Variants in BRWD1 observed in about 807,000 individuals in gnomAD.
BRWD1 encodes bromodomain and WD repeat-containing protein 1.
BRWD1 carries 82 observed loss-of-function variants against 251.2 expected under a neutral mutation model. That is an observed-to-expected ratio of 0.33 (90% CI 0.27 to 0.39). The LOEUF (loss-of-function observed/expected upper bound fraction) is 0.39, where lower values mean the gene tolerates loss of function less well. BRWD1 is among the 10% of genes least tolerant of loss of function. The pLI, the probability that BRWD1 is intolerant of heterozygous loss-of-function variation, is 1.00. For missense variants in BRWD1, 2,233 were observed against 2,711.6 expected, an observed-to-expected ratio of 0.82 and a Z score of 3.92; for synonymous variants, 918 against 902.8, an observed-to-expected ratio of 1.02 and a Z score of -0.30.
chr21:39,218,493 TAAA>T lies in BRWD1; in HGVS notation c.3538+9_3538+11del. 6.4e-7 allele frequency: 1 copy of T among 1,562,128 alleles called. No homozygotes were observed. Among genetic ancestry groups the T allele is most frequent in the Non-Finnish European group, 8.6e-7 (1 of 1,163,180 alleles). On this transcript the variant is annotated intron_variant, in intron 30 of 40. Coordinates refer to ENST00000342449, the MANE Select transcript of BRWD1 (RefSeq NM_033656.4). ...AAAAAAAACTTTTCATCCTAAAAAA[TAAA>T]AAACTTACCAAGATTCAAAAGTTGA...
At chr21:39,226,567 A>G (rs1386599424) in intron 27 of BRWD1, among the ~76,000 whole-genome samples, 2 of 152,240 alleles carry the variant, frequency 1.3e-5, no homozygotes, top group African/African-American at 2.4e-5. Context: ...CTGAAAAATC[A>G]TAATAGCTGG....
At chr21:39,233,375 G>A (rs535326934) in intron 23 of BRWD1, among the ~76,000 whole-genome samples, 3 of 152,230 alleles carry the variant, frequency 2.0e-5, no homozygotes, top group South Asian at 4.1e-4. Context: ...AGGGTGGTTT[G>A]TTATATACAG....
intron 15 of BRWD1, among the ~76,000 whole-genome samples, 158 bp downstream of exon 15, chr21:39,269,741 T>TATAC (rs1315779615): frequency 6.6e-6 from 1 of 152,202 alleles, no homozygotes; most frequent in African/African-American, 2.4e-5. Context: ...TATGTACGTA[T>TATAC]ATACATGTAG....
chr21:39,245,376 C>A (rs1231086126), intron 21 of BRWD1, among the ~76,000 whole-genome samples: 1 of 152,126 alleles, frequency 6.6e-6, no homozygotes, highest in Non-Finnish European at 1.5e-5. Context: ...GTACATGTTA[C>A]CACGCCTCTG....
In BRWD1 at chr21:39,192,857, CAG is replaced by C. The variant is rs1216454511; in HGVS notation, c.*3400_*3401del. On this transcript the variant is annotated 3_prime_UTR_variant, in exon 41 of 41. Transcript: ENST00000342449. ...CACAATCAAGTTCAACTTGTACTAA[CAG>C]AAAATATTAAAATTCTTCCTATTTT... 5.1e-6 allele frequency: 5 copies of C among 981,406 alleles called. No homozygotes were observed. The highest frequency in any genetic ancestry group is 6.3e-5 in the Admixed American group (1 of 15,832). 60.8% of individuals were successfully genotyped at this position (981,406 alleles called of 1,614,324 possible). A position where few individuals can be genotyped will look rare whatever the true frequency, so the allele number is the denominator to read the frequency against.
rs2032838287 is a variant in BRWD1 at position 39,215,260 on chromosome 21, A to G, written c.3762T>C (p.Thr1254=). The G allele has an allele frequency of 6.2e-7, 1 of 1,612,368 alleles. No individual in the cohort carries two copies. The highest frequency in any genetic ancestry group is 8.5e-7 in the Non-Finnish European group (1 of 1,178,566). Residue 1254 remains threonine, a synonymous_variant, in exon 32 of 41, where the codon ACT becomes ACC. Transcript: ENST00000342449. The stretch of plus-strand genomic sequence containing the variant: ...ACTTGATAAATTTTAAAAGTTGGTC[A>G]GTTATCTTTTTAGCTGATCTTGCAA... ...SVIARSAKKI[T]DQLLKFIKNQ...
At position 39,280,302 on chromosome 21, in the gene BRWD1, G is replaced by C; in HGVS notation, c.832-54C>G. 5 of 1,370,796 alleles carry C rather than the reference G, an allele frequency of 3.6e-6. No homozygotes were observed. The South Asian group carries it at 3.9e-5, about 11-fold the overall frequency. The allele number at this position is 1,370,796 out of a possible 1,614,324, so 84.9% of individuals were successfully genotyped here. Reference sequence around the variant, plus strand: ...TTCCAGAACTTCTACTTAAGTTACAGTTTAATAGTCTTGCAAACTTAACTT... The same window carrying C: ...TTCCAGAACTTCTACTTAAGTTACACTTTAATAGTCTTGCAAACTTAACTT... On this transcript the variant is annotated intron_variant, in intron 8 of 40. Coordinates refer to ENST00000342449, the MANE Select transcript of BRWD1 (RefSeq NM_033656.4).
At chr21:39,257,363 C>T (rs1295155585) in intron 18 of BRWD1, among the ~76,000 whole-genome samples, 5 of 152,032 alleles carry the variant, frequency 3.3e-5, no homozygotes, top group Non-Finnish European at 5.9e-5. Context: ...ATTCAGTATT[C>T]CTGTCTAAAT....
intron 21 of BRWD1, among the ~76,000 whole-genome samples, chr21:39,242,904 AAAG>A (rs1217017143): frequency 1.3e-5 from 2 of 152,222 alleles, no homozygotes; most frequent in Non-Finnish European, 1.5e-5. Flanking sequence ...CTGAGCAGAA[AAAG>A]AAGACTCCTT....
chr21:39,227,299 C>T (rs2183576), intron 27 of BRWD1, among the ~76,000 whole-genome samples: 141,065 of 152,260 alleles, frequency 0.93, 65,696 homozygotes, highest in African/African-American at 0.97. Flanking sequence ...GATAAAAGAA[C>T]GAACCATCCT....
chr21:39,313,383 C>T, intron 1 of BRWD1, 60 bp downstream of exon 1: 2 of 1,479,214 alleles, frequency 1.4e-6, no homozygotes, highest in Non-Finnish European at 1.8e-6. Context: ...GCCCGGGGAG[C>T]CGGGGAAGCC....
At chr21:39,264,843 C>A in intron 16 of BRWD1, 48 bp downstream of exon 16, 1 of 1,591,790 alleles carries the variant, frequency 6.3e-7, no homozygotes, top group Non-Finnish European at 8.5e-7. Flanking sequence ...TTCCAAAACA[C>A]AGCTGATAAC....
intron 37 of BRWD1, among the ~76,000 whole-genome samples, chr21:39,203,643 G>A (rs1259692605): frequency 1.3e-5 from 2 of 150,122 alleles, no homozygotes; most frequent in African/African-American, 4.9e-5. Flanking sequence ...TCCTGACCTC[G>A]TGATCCACCC....
At chr21:39,198,499 G>T (rs1298009719) in intron 40 of BRWD1, among the ~76,000 whole-genome samples, 1 of 152,028 alleles carries the variant, frequency 6.6e-6, no homozygotes, top group East Asian at 1.9e-4. Flanking sequence ...ATCAATACAA[G>T]AAGTGAAATC....
chr21:39,236,715 T>C lies in BRWD1; in HGVS notation c.2646A>G (p.Thr882=), dbSNP rs749390150. The C allele has an allele frequency of 6.8e-6, 11 of 1,614,054 alleles. No homozygotes were observed. Among genetic ancestry groups the C allele is most frequent in the South Asian group, 1.1e-5 (1 of 91,088 alleles). The part of the protein sequence containing the change: ...AGINLQPPLR[T]SCRRRITRFC... The stretch of plus-strand genomic sequence containing the variant: ...ATCGAGTAATTCGTCGACGACATGA[T>C]GTTCTTAAAGGAGGCTGCAAATTGA... The change falls in exon 23 of 41, where the codon ACA becomes ACG. Residue 882 remains threonine, a synonymous_variant. Transcript: ENST00000342449.
At position 39,197,262 on chromosome 21, in the gene BRWD1, G is replaced by A; in HGVS notation, c.5807C>T (p.Ala1936Val). 1 of 1,613,944 alleles carries A rather than the reference G, an allele frequency of 6.2e-7. No individual in the cohort carries two copies. The highest frequency in any genetic ancestry group is 1.1e-5 in the South Asian group (1 of 91,070). The change falls in exon 41 of 41, where the codon GCC (alanine) becomes GTC (valine). Residue 1936 changes from alanine (A) to valine (V), a missense_variant. Coordinates refer to ENST00000342449, the MANE Select transcript of BRWD1 (RefSeq NM_033656.4). ...ATCACTCATGAGCTTGATCTTATTG[G>A]CAGCCGTAGCTGCACATCTTCGAGT... ...RITRRCAATA[A>V]NKIKLMSDVE...
intron 36 of BRWD1, among the ~76,000 whole-genome samples, chr21:39,207,028 G>C (rs143586514): frequency 6.6e-6 from 1 of 152,112 alleles, no homozygotes; most frequent in Non-Finnish European, 1.5e-5. Context: ...TGAGATATAC[G>C]AATTTCTTAC....
intron 8 of BRWD1, among the ~76,000 whole-genome samples, chr21:39,290,214 G>C (rs1320663357): frequency 6.6e-6 from 1 of 151,912 alleles, no homozygotes; most frequent in Non-Finnish European, 1.5e-5. Flanking sequence ...CTGAGGTTGG[G>C]CGAGGTGGCT....
At chr21:39,274,247 G>A (rs962321076) in intron 13 of BRWD1, 127 bp downstream of exon 13, 12 of 701,648 alleles carry the variant, frequency 1.7e-5, no homozygotes, top group African/African-American at 1.2e-4. Context: ...ACAGCTCTTC[G>A]TAATAGAAGG....
Sources: gnomAD v4.1 joint callset for allele counts (sites outside exome capture counted in the v4.1 genomes callset) on GRCh38, gnomAD v4.1.1 for gene constraint, MANE v1.5 for transcripts, NCBI Gene and HGNC (gene_info 2026-07-23, HGNC 2026-07-21) for gene names.